DLG2: variants seen among roughly 807,000 people sequenced by gnomAD.
DLG2 encodes disks large homolog 2.
In DLG2, 45 loss-of-function variants were observed where a neutral mutation model predicts 132.5. The ratio of observed to expected loss-of-function variants is 0.34; its 90% CI spans 0.27 to 0.44. The LOEUF is 0.44. Among genes scored for constraint, DLG2 ranks in the 20% least tolerant of loss-of-function variants. The probability of loss-of-function intolerance (pLI) is 1.00; values close to 1 mark genes in which losing one functional copy is unlikely to be tolerated. For missense variants in DLG2, 1,045 were observed against 1,196.9 expected, an observed-to-expected ratio of 0.87 and a Z score of 1.87; for synonymous variants, 424 against 419.6, an observed-to-expected ratio of 1.01 and a Z score of -0.13.
chr11:83,924,886 G>A (rs1204726818), intron 15 of DLG2, among the ~76,000 whole-genome samples: 1 of 152,100 alleles, frequency 6.6e-6, no homozygotes, highest in African/African-American at 2.4e-5. Flanking sequence ...ATGAGAAGAT[G>A]AGTGTGCATT....
intron 3 of DLG2, among the ~76,000 whole-genome samples, chr11:85,454,997 G>A (rs570808628): frequency 6.6e-6 from 1 of 151,960 alleles, no homozygotes; most frequent in Admixed American, 6.6e-5. Context: ...ATTGTTTGGG[G>A]TATTTGGATT....
intron 6 of DLG2, among the ~76,000 whole-genome samples, chr11:84,825,656 G>A (rs572215546): frequency 6.6e-6 from 1 of 151,826 alleles, no homozygotes; most frequent in African/African-American, 2.4e-5. Context: ...TGTGTAGTCT[G>A]TTTGGATTAG....
chr11:85,564,880 AT>A (rs1334135995), intron 3 of DLG2, among the ~76,000 whole-genome samples: 1 of 152,072 alleles, frequency 6.6e-6, no homozygotes, highest in African/African-American at 2.4e-5. Flanking sequence ...TGAACAAAAA[AT>A]ATCTTTCTAT....
Position 84,399,127 on chromosome 11 carries a change from T to A in DLG2, c.519+135443A>T, listed in dbSNP as rs146075932. Reference sequence around the variant, plus strand: ...ACACATCTCTTAGTCTAAACAAATATCAGAAACTTCTTAAGACAGATCATC... The same window carrying A: ...ACACATCTCTTAGTCTAAACAAATAACAGAAACTTCTTAAGACAGATCATC... On this transcript the variant is annotated intron_variant, in intron 7 of 27. Transcript: ENST00000376104. 6.6e-5 allele frequency among the ~76,000 whole-genome samples: 10 copies of A among 152,258 alleles called. No individual in the cohort carries two copies. The East Asian group carries it at 1.9e-3, about 29-fold the overall frequency.
chr11:85,049,340 C>T (rs547716743), intron 6 of DLG2, among the ~76,000 whole-genome samples: 7 of 152,028 alleles, frequency 4.6e-5, no homozygotes, highest in Non-Finnish European at 5.9e-5. Context: ...AGACTATTTC[C>T]GTGAGGGTAA....
intron 3 of DLG2, among the ~76,000 whole-genome samples, chr11:85,428,825 C>T (rs921368268): frequency 8.6e-5 from 13 of 151,964 alleles, no homozygotes; most frequent in African/African-American, 3.1e-4. Context: ...TTCAAAAAAT[C>T]AATGAATCCA....
intron 18 of DLG2, among the ~76,000 whole-genome samples, chr11:83,780,683 T>A (rs1230443282): frequency 6.6e-6 from 1 of 152,180 alleles, no homozygotes; most frequent in African/African-American, 2.4e-5. Flanking sequence ...GCAAGACTTA[T>A]GAATTTGCTT....
At chr11:83,614,794 T>C (rs2060572121) in intron 19 of DLG2, among the ~76,000 whole-genome samples, 1 of 152,184 alleles carries the variant, frequency 6.6e-6, no homozygotes, top group Non-Finnish European at 1.5e-5. Flanking sequence ...AACTTTCTGT[T>C]TGGGTTCTGT....
At chr11:84,994,121 T>A (rs933460879) in intron 6 of DLG2, among the ~76,000 whole-genome samples, 2 of 152,212 alleles carry the variant, frequency 1.3e-5, no homozygotes, top group South Asian at 2.1e-4. Context: ...TGGTAAAAAC[T>A]GTGGCTCTTT....
At chr11:84,243,017 C>CTCTCTCTCTCTCTA (rs542476924) in intron 8 of DLG2, among the ~76,000 whole-genome samples, 1,753 of 142,060 alleles carry the variant, frequency 0.012, 18 homozygotes, top group East Asian at 0.026. Context: ...CTCTCTCTCT[C>CTCTCTCTCTCTCTA]TATATATATA....
chr11:84,957,254 A>C (rs1218350031), intron 6 of DLG2, among the ~76,000 whole-genome samples: 5 of 152,174 alleles, frequency 3.3e-5, no homozygotes, highest in Admixed American at 1.3e-4. Context: ...TTACCTCAAT[A>C]CTATAACACA....
intron 8 of DLG2, among the ~76,000 whole-genome samples, chr11:84,180,735 C>G (rs578188605): frequency 2.0e-5 from 3 of 151,934 alleles, no homozygotes; most frequent in Non-Finnish European, 4.4e-5. Flanking sequence ...TATCTGAACC[C>G]CCCCAGAAAC....
At chr11:83,577,559 AATATATATATATATAT>A (rs1167372199) in intron 19 of DLG2, among the ~76,000 whole-genome samples, 2 of 78,442 alleles carry the variant, frequency 2.5e-5, no homozygotes, top group East Asian at 3.4e-4. Flanking sequence ...GAATTAATAG[AATATATATATATATAT>A]ATATATATAT....
chr11:85,084,933 G>A (rs1481835538), intron 6 of DLG2, among the ~76,000 whole-genome samples: 3 of 152,132 alleles, frequency 2.0e-5, no homozygotes, highest in Non-Finnish European at 4.4e-5. Context: ...GCCTCTCAAA[G>A]CTATGCAAAT....
chr11:84,967,799 CAAT>C (rs1039547302), intron 6 of DLG2, among the ~76,000 whole-genome samples: 3 of 152,178 alleles, frequency 2.0e-5, no homozygotes, highest in African/African-American at 7.2e-5. Flanking sequence ...AAAAATCACA[CAAT>C]GAGTACATTT....
At chr11:83,814,516 A>G (rs908728153) in intron 17 of DLG2, 1 of 210,120 alleles carries the variant, frequency 4.8e-6, no homozygotes, top group Non-Finnish European at 1.0e-5. Context: ...CAAATGGGCC[A>G]CATCTTCAAG....
chr11:83,494,056 G>C (rs995537151), intron 21 of DLG2, among the ~76,000 whole-genome samples: 2 of 151,946 alleles, frequency 1.3e-5, no homozygotes, highest in African/African-American at 4.8e-5. Context: ...CTGGTTTTAT[G>C]AACTAAAGAG....
Position 85,338,668 on chromosome 11 carries a change from C to G in DLG2, c.41-53303G>C, listed in dbSNP as rs929656435. The stretch of plus-strand genomic sequence containing the variant: ...TAAAGCCCACTGCATCACTTCCTTC[C>G]ATCCTTTCCCACACACCCTCTGTGT... On this transcript the variant is annotated intron_variant, in intron 3 of 27. Coordinates refer to ENST00000376104, the MANE Select transcript of DLG2 (RefSeq NM_001142699.3). 2.0e-5 allele frequency among the ~76,000 whole-genome samples: 3 copies of G among 151,914 alleles called. No individual in the cohort carries two copies. In the East Asian group the frequency reaches 5.8e-4, roughly 29 times the overall value.
chr11:84,790,726 A>G (rs2073711272), intron 6 of DLG2, among the ~76,000 whole-genome samples: 2 of 152,210 alleles, frequency 1.3e-5, no homozygotes, highest in African/African-American at 2.4e-5. Flanking sequence ...GAGGTCTTAG[A>G]TTTAAGCCTC....
Sources: gnomAD v4.1 joint callset for allele counts (sites outside exome capture counted in the v4.1 genomes callset) on GRCh38, gnomAD v4.1.1 for gene constraint, MANE v1.5 for transcripts, NCBI Gene and HGNC (gene_info 2026-07-23, HGNC 2026-07-21) for gene names.